KLRG2: variants seen among roughly 807,000 people sequenced by gnomAD.
The protein encoded by KLRG2 is killer cell lectin like receptor G2, also known as killer cell lectin-like receptor subfamily G member 2.
A neutral mutation model predicts 35.4 loss-of-function variants in KLRG2; 39 were observed. The ratio of observed to expected loss-of-function variants is 1.10; its 90% CI spans 0.85 to 1.44. The LOEUF is 1.44. Among genes scored for constraint, KLRG2 ranks in the 40% most tolerant of loss-of-function variants. KLRG2 has a pLI of 0.00. For missense variants in KLRG2, 632 were observed against 570.9 expected, an observed-to-expected ratio of 1.11 and a Z score of -1.09; for synonymous variants, 283 against 265.8, an observed-to-expected ratio of 1.06 and a Z score of -0.63.
In KLRG2 at chr7:139,474,889, G is replaced by C. The variant is rs1796823069; in HGVS notation, c.1005+4738C>G. 1.3e-5 allele frequency among the ~76,000 whole-genome samples: 2 copies of C among 152,192 alleles called. 1 individual carries two copies. The highest frequency in any genetic ancestry group is 2.9e-5 in the Non-Finnish European group (2 of 68,040). ...TGTGGTGCTCCAGGCCTCAGATGCA[G>C]GCCCAGACCTAGGAAATAGAATCTC... On this transcript the variant is annotated intron_variant, in intron 3 of 4. Transcript: ENST00000340940.
rs1037020177 is a variant in KLRG2 at position 139,482,819 on chromosome 7, G to C, written c.757+67C>G. On this transcript the variant is annotated intron_variant, in intron 1 of 4. Coordinates refer to ENST00000340940, the MANE Select transcript of KLRG2 (RefSeq NM_198508.4). ...TGCCCAGCGGTCCAGGGCTGGGCGG[G>C]TGTGGGGGTTTCGGCTACGTCCACC... 6 of 1,320,690 alleles carry C rather than the reference G, an allele frequency of 4.5e-6. No homozygotes were observed. The African/African-American group carries it at 4.6e-5, about 10-fold the overall frequency. The allele number at this position is 1,320,690 out of a possible 1,614,324, so 81.8% of individuals were successfully genotyped here. A position where few individuals can be genotyped will look rare whatever the true frequency, so the allele number is the denominator to read the frequency against.
intron 3 of KLRG2, among the ~76,000 whole-genome samples, chr7:139,466,290 G>T (rs763941195): frequency 7.9e-5 from 12 of 152,120 alleles, no homozygotes; most frequent in Admixed American, 2.0e-4. Flanking sequence ...TTTCCCACAG[G>T]GTCTGAGAAG....
intron 3 of KLRG2, among the ~76,000 whole-genome samples, chr7:139,471,577 C>T (rs1796756594): frequency 6.6e-6 from 1 of 152,116 alleles, no homozygotes; most frequent in Non-Finnish European, 1.5e-5. Context: ...GGGAGGATCA[C>T]TTGAACCTGG....
At chr7:139,428,648 A>C in the KLRG2 span, among the ~76,000 whole-genome samples, 1 of 119,958 alleles carries the variant, frequency 8.3e-6, no homozygotes, top group South Asian at 2.3e-4. Context: ...ATGAAACACA[A>C]AGGAGACTGA....
chr7:139,450,344 C>T (rs561859875), downstream of KLRG2, among the ~76,000 whole-genome samples: 26 of 152,288 alleles, frequency 1.7e-4, no homozygotes, highest in South Asian at 4.8e-3. Flanking sequence ...CTGTCTCAGC[C>T]TCCCGAGTAG....
intron 2 of KLRG2, among the ~76,000 whole-genome samples, 158 bp from the exon 3 acceptor site, chr7:139,479,930 G>A (rs920351331): frequency 6.6e-6 from 1 of 152,228 alleles, no homozygotes; most frequent in African/African-American, 2.4e-5. Context: ...CAAAGTCCCC[G>A]GGGTGGCAGC....
At chr7:139,428,196 A>T in the KLRG2 span, among the ~76,000 whole-genome samples, 8 of 152,262 alleles carry the variant, frequency 5.3e-5, no homozygotes, top group African/African-American at 1.9e-4. Context: ...TGATTGTAAC[A>T]GATAAAAAAC....
intron 3 of KLRG2, among the ~76,000 whole-genome samples, chr7:139,460,851 T>A (rs1796556383): frequency 6.6e-6 from 1 of 151,982 alleles, no homozygotes; most frequent in African/African-American, 2.4e-5. Flanking sequence ...TCTAGCTACT[T>A]GGGAGGCTGA....
At chr7:139,439,216 C>T in the KLRG2 span, among the ~76,000 whole-genome samples, 16 of 152,294 alleles carry the variant, frequency 1.1e-4, no homozygotes, top group East Asian at 3.9e-4. Context: ...ACAGAATGAG[C>T]TGCTCATATG....
chr7:139,427,171 G>A, the KLRG2 span, among the ~76,000 whole-genome samples: 1 of 152,200 alleles, frequency 6.6e-6, no homozygotes, highest in Admixed American at 6.5e-5. Context: ...GGGTTTCCCT[G>A]GGCAGAGGCC....
Position 139,474,142 on chromosome 7 carries a change from G to A in KLRG2, c.1005+5485C>T, listed in dbSNP as rs113339088. 3.5e-3 allele frequency among the ~76,000 whole-genome samples: 523 copies of A among 150,880 alleles called. 4 individuals are homozygous for A. Among genetic ancestry groups the A allele is most frequent in the African/African-American group, 0.011 (448 of 41,078 alleles). On this transcript the variant is annotated intron_variant, in intron 3 of 4. Coordinates refer to ENST00000340940, the MANE Select transcript of KLRG2 (RefSeq NM_198508.4). ...AGCAATTCTAGTACCTCAGCCTCCCGAGTAGCTGGGACTACAGTTGTGTGC... is the reference window on the plus strand; with the variant it reads ...AGCAATTCTAGTACCTCAGCCTCCCAAGTAGCTGGGACTACAGTTGTGTGC...
At position 139,475,954 on chromosome 7, in the gene KLRG2, G is replaced by GAA. The variant is rs71169094; in HGVS notation, c.1005+3671_1005+3672dup. On this transcript the variant is annotated intron_variant, in intron 3 of 4. Transcript: ENST00000340940. ...GGTGCCCACTGCTTCGTGGGTAAGA[G>GAA]AAAAAAAAAAAACACATTTGGTCAC... Among the ~76,000 whole-genome samples the GAA allele has an allele frequency of 1.1e-3, 157 of 142,550 alleles. 5 individuals carry two copies. The East Asian group carries it at 0.012, about 10-fold the overall frequency. The allele number at this position is 142,550 out of a possible 152,430, so 93.5% of individuals were successfully genotyped here. A position where few individuals can be genotyped will look rare whatever the true frequency, so the allele number is the denominator to read the frequency against.
chr7:139,466,276 A>ACTTTCACTGGTG (rs1796652413), intron 3 of KLRG2, among the ~76,000 whole-genome samples: 1 of 152,142 alleles, frequency 6.6e-6, no homozygotes, highest in East Asian at 1.9e-4. Flanking sequence ...GGTGGGTAGA[A>ACTTTCACTGGTG]GCCTTTCCCA....
At chr7:139,455,143 T>C (rs1354080273) in intron 3 of KLRG2, among the ~76,000 whole-genome samples, 1 of 148,196 alleles carries the variant, frequency 6.7e-6, no homozygotes, top group African/African-American at 2.5e-5. Flanking sequence ...CTCAGCCTCC[T>C]GAGAGGCTGG....
chr7:139,448,138 G>C (rs910156104), downstream of KLRG2, among the ~76,000 whole-genome samples: 1 of 152,058 alleles, frequency 6.6e-6, no homozygotes, highest in Non-Finnish European at 1.5e-5. Flanking sequence ...GGGACTACAG[G>C]CTGGGGGCCA....
Position 139,453,679 on chromosome 7 carries a change from CCA to C in KLRG2, c.1136_1137del (p.Leu379ArgfsTer80). ...TCCTCCAGGGCCCCACAGTTGATATCCAGATTGTCCTCGCCGTCCTCAGGGAG... is the reference window on the plus strand; with the variant it reads ...TCCTCCAGGGCCCCACAGTTGATATCGATTGTCCTCGCCGTCCTCAGGGAG... ...QLLPEDGEDN[L>X]DINCGALEEG... On this transcript the variant is annotated frameshift_variant, in exon 5 of 5. Transcript: ENST00000340940. LOFTEE classifies it low-confidence loss of function (END_TRUNC). 1.1e-5 allele frequency: 17 copies of C among 1,614,116 alleles called. No individual in the cohort carries two copies. Among genetic ancestry groups the C allele is most frequent in the Non-Finnish European group, 1.4e-5 (17 of 1,180,006 alleles).
chr7:139,462,175 C>T (rs182502895), intron 3 of KLRG2, among the ~76,000 whole-genome samples: 221 of 152,290 alleles, frequency 1.5e-3, no homozygotes, highest in African/African-American at 4.4e-3. Flanking sequence ...GTTACGGACT[C>T]GGGAAAACAG....
At chr7:139,475,179 C>G (rs1041758301) in intron 3 of KLRG2, among the ~76,000 whole-genome samples, 3 of 152,156 alleles carry the variant, frequency 2.0e-5, no homozygotes, top group African/African-American at 7.2e-5. Flanking sequence ...CCCAACAGGA[C>G]AGGGTTTGGG....
chr7:139,440,533 A>G, the KLRG2 span, among the ~76,000 whole-genome samples: 2 of 149,996 alleles, frequency 1.3e-5, no homozygotes, highest in African/African-American at 4.9e-5. Context: ...TTGGGATTAC[A>G]GGTGTGAGCT....
Sources: gnomAD v4.1 joint callset for allele counts (sites outside exome capture counted in the v4.1 genomes callset) on GRCh38, gnomAD v4.1.1 for gene constraint, MANE v1.5 for transcripts, NCBI Gene and HGNC (gene_info 2026-07-23, HGNC 2026-07-21) for gene names.